DCDC1: variants seen among roughly 807,000 people sequenced by gnomAD.
DCDC1 encodes doublecortin domain-containing protein 1.
DCDC1 carries 200 observed loss-of-function variants against 178.3 expected under a neutral mutation model. That is an observed-to-expected ratio of 1.12 (90% CI 1.00 to 1.26). The LOEUF is 1.26. Among genes scored for constraint, DCDC1 ranks in the 50% most tolerant of loss-of-function variants. The pLI, the probability that DCDC1 is intolerant of heterozygous loss-of-function variation, is 0.00. For missense variants in DCDC1, 1,983 were observed against 1,749.2 expected, an observed-to-expected ratio of 1.13 and a Z score of -2.38; for synonymous variants, 690 against 604.8, an observed-to-expected ratio of 1.14 and a Z score of -2.07.
intron 20 of DCDC1, among the ~76,000 whole-genome samples, chr11:31,060,584 G>A (rs1955855040): frequency 6.6e-6 from 1 of 152,084 alleles, no homozygotes; most frequent in South Asian, 2.1e-4. Flanking sequence ...GAAACAAAAT[G>A]TAACATGACA....
chr11:31,142,235 AT>A (rs1963907718), intron 9 of DCDC1, among the ~76,000 whole-genome samples: 1 of 152,234 alleles, frequency 6.6e-6, no homozygotes, highest in African/African-American at 2.4e-5. Flanking sequence ...CACACAAAAA[AT>A]ATTTGGTAAA....
At chr11:30,918,449 A>G (rs550143084) in intron 25 of DCDC1, among the ~76,000 whole-genome samples, 2 of 152,352 alleles carry the variant, frequency 1.3e-5, no homozygotes, top group South Asian at 4.1e-4. Context: ...TTAAATAGAC[A>G]AGTAAATGAA....
At chr11:30,904,856 G>C in intron 31 of DCDC1, 105 bp downstream of exon 31, 1 of 1,323,742 alleles carries the variant, frequency 7.6e-7, no homozygotes, top group Non-Finnish European at 1.1e-6. Context: ...TGGTGAATCT[G>C]GCCAGGGACA....
At chr11:31,240,896 C>T (rs904781860) in intron 9 of DCDC1, among the ~76,000 whole-genome samples, 4 of 151,898 alleles carry the variant, frequency 2.6e-5, no homozygotes, top group African/African-American at 9.7e-5. Flanking sequence ...AATAAATACA[C>T]AGGAATTAAA....
intron 7 of DCDC1, among the ~76,000 whole-genome samples, chr11:31,284,312 G>A (rs1202987772): frequency 1.3e-5 from 2 of 152,112 alleles, no homozygotes; most frequent in Non-Finnish European, 2.9e-5. Flanking sequence ...ATCAGAAAAT[G>A]GGTTATAGTA....
Position 30,899,647 on chromosome 11 carries a change from A to G in DCDC1, c.4664-5T>C, listed in dbSNP as rs1944510508. 7 of 1,516,286 alleles carry G rather than the reference A, an allele frequency of 4.6e-6. No homozygotes were observed. The highest frequency in any genetic ancestry group is 6.2e-6 in the Non-Finnish European group (7 of 1,131,192). The allele number at this position is 1,516,286 out of a possible 1,614,324, so 93.9% of individuals were successfully genotyped here. A position where few individuals can be genotyped will look rare whatever the true frequency, so the allele number is the denominator to read the frequency against. On this transcript the variant is annotated splice_region_variant and splice_polypyrimidine_tract_variant and intron_variant, in intron 33 of 38. Coordinates refer to ENST00000684477, the MANE Select transcript of DCDC1 (RefSeq NM_001387274.1). ...ATTTTTCTGCTTTCTGCAAAGCTAGAATAATAAAAATACAAGATATTTTAT... is the reference window on the plus strand; with the variant it reads ...ATTTTTCTGCTTTCTGCAAAGCTAGGATAATAAAAATACAAGATATTTTAT...
intron 20 of DCDC1, among the ~76,000 whole-genome samples, chr11:31,055,891 T>C (rs548821649): frequency 2.2e-4 from 34 of 152,228 alleles, no homozygotes; most frequent in Non-Finnish European, 1.2e-4. Context: ...ACTACAAATA[T>C]GGTGCAGTGT....
intron 9 of DCDC1, among the ~76,000 whole-genome samples, chr11:31,201,765 G>A: frequency 6.6e-6 from 1 of 152,096 alleles, no homozygotes; most frequent in East Asian, 1.9e-4. Flanking sequence ...AGTTGGACAG[G>A]GGTTGAAAAG....
At chr11:31,047,258 T>G (rs1954903142) in intron 20 of DCDC1, among the ~76,000 whole-genome samples, 1 of 152,200 alleles carries the variant, frequency 6.6e-6, no homozygotes, top group Admixed American at 6.5e-5. Flanking sequence ...AGGATGATAA[T>G]GTAGTCATAT....
intron 8 of DCDC1, among the ~76,000 whole-genome samples, chr11:31,248,730 G>T (rs1943755830): frequency 6.6e-6 from 1 of 151,984 alleles, no homozygotes; most frequent in African/African-American, 2.4e-5. Context: ...TAAAAATGGA[G>T]GATTCCCTTT....
chr11:31,025,188 G>T (rs1953140531), intron 20 of DCDC1, among the ~76,000 whole-genome samples: 1 of 151,634 alleles, frequency 6.6e-6, no homozygotes, highest in Non-Finnish European at 1.5e-5. Context: ...TCCATTATAA[G>T]GTTACTTGTA....
chr11:31,016,854 T>C (rs1194341531), intron 20 of DCDC1, among the ~76,000 whole-genome samples: 3 of 152,194 alleles, frequency 2.0e-5, no homozygotes, highest in Non-Finnish European at 4.4e-5. Context: ...GATTCTAATA[T>C]GCACAAGAGT....
chr11:31,138,291 T>C (rs1963405975), intron 9 of DCDC1, among the ~76,000 whole-genome samples: 1 of 152,168 alleles, frequency 6.6e-6, no homozygotes. Context: ...AACAGTTACT[T>C]TGAACCTGCT....
chr11:31,328,621 A>AC (rs1358760786), intron 2 of DCDC1, among the ~76,000 whole-genome samples: 2 of 152,058 alleles, frequency 1.3e-5, no homozygotes, highest in Non-Finnish European at 2.9e-5. Flanking sequence ...ACACAGTGAA[A>AC]CCCCGTCTCT....
chr11:30,894,716 C>T (rs1224148886), intron 34 of DCDC1, among the ~76,000 whole-genome samples: 1 of 152,162 alleles, frequency 6.6e-6, no homozygotes, highest in Non-Finnish European at 1.5e-5. Context: ...CCATATATAG[C>T]TCCTATCATC....
At chr11:30,900,705 T>C (rs1173748550) in intron 32 of DCDC1, among the ~76,000 whole-genome samples, 1 of 152,086 alleles carries the variant, frequency 6.6e-6, no homozygotes, top group East Asian at 1.9e-4. Flanking sequence ...TGTAAATATG[T>C]TTTAATTTCT....
chr11:31,213,120 T>TCC lies in DCDC1; in HGVS notation c.1221+28329_1221+28330insGG, dbSNP rs1308072361. Among the ~76,000 whole-genome samples, 3 of 119,964 alleles carry TCC rather than the reference T, an allele frequency of 2.5e-5. No individual in the cohort carries two copies. The East Asian group carries it at 6.5e-4, about 26-fold the overall frequency. The allele number at this position is 119,964 out of a possible 152,430, so 78.7% of individuals were successfully genotyped here. On this transcript the variant is annotated intron_variant, in intron 9 of 38. Coordinates refer to ENST00000684477, the MANE Select transcript of DCDC1 (RefSeq NM_001387274.1). ...CCCAGCCTCTCTCTCTCTCTCTCTC[T>TCC]CTCTCTCTCTCTCTCTCTCTCTCTC... is the stretch of plus-strand genomic sequence containing the variant.
chr11:31,186,280 A>G (rs1969477128), intron 9 of DCDC1, among the ~76,000 whole-genome samples: 1 of 151,904 alleles, frequency 6.6e-6, no homozygotes, highest in South Asian at 2.1e-4. Flanking sequence ...CTCCTTACTC[A>G]TTTTATCTGG....
intron 20 of DCDC1, among the ~76,000 whole-genome samples, chr11:30,987,107 C>T (rs1590667972): frequency 6.6e-6 from 1 of 152,108 alleles, no homozygotes; most frequent in African/African-American, 2.4e-5. Context: ...ACCTCCACCT[C>T]CTGGGTTCAG....
Sources: gnomAD v4.1 joint callset for allele counts (sites outside exome capture counted in the v4.1 genomes callset) on GRCh38, gnomAD v4.1.1 for gene constraint, MANE v1.5 for transcripts, NCBI Gene and HGNC (gene_info 2026-07-23, HGNC 2026-07-21) for gene names.